Variants in MAPT observed in about 807,000 individuals in gnomAD.
MAPT encodes microtubule-associated protein tau.
MAPT carries 34 observed loss-of-function variants against 67.9 expected under a neutral mutation model. That is an observed-to-expected ratio of 0.50 (90% CI 0.38 to 0.67). The LOEUF (loss-of-function observed/expected upper bound fraction) is 0.67, where lower values mean the gene tolerates loss of function less well. Ranked by LOEUF, MAPT falls within the 30% of genes least tolerant of loss-of-function variation. The pLI is 0.00. For synonymous variants in MAPT, 456 were observed against 464.5 expected (o/e 0.98, Z 0.23); for missense variants, 881 against 1,115.2 (o/e 0.79, Z 2.99).
chr17:45,900,418 A>G (rs1234823677), intron 1 of MAPT, among the ~76,000 whole-genome samples: 1 of 152,196 alleles, frequency 6.6e-6, no homozygotes, highest in Admixed American at 6.5e-5. Context: ...CCAGTTAGGA[A>G]ACTTTCTGTA....
intron 1 of MAPT, among the ~76,000 whole-genome samples, chr17:45,930,138 GC>G (rs1243251700): frequency 6.6e-6 from 1 of 152,206 alleles, no homozygotes; most frequent in African/African-American, 2.4e-5. Context: ...GGTGGCTCAT[GC>G]CTGTAATCCC....
At chr17:46,016,536 C>T (rs1246606143) in intron 11 of MAPT, among the ~76,000 whole-genome samples, 1 of 152,188 alleles carries the variant, frequency 6.6e-6, no homozygotes, top group Non-Finnish European at 1.5e-5. Context: ...CTTTGGGAGG[C>T]CAAGGCAGGC....
rs920376165 is a variant in MAPT at position 46,010,575 on chromosome 17, C to A, written c.2091+173C>A. On this transcript the variant is annotated intron_variant, in intron 10 of 12. Transcript: ENST00000262410. The surrounding 1 kb of genome is among the most constrained non-coding windows in gnomAD (Gnocchi z 4.7). ...GGCTCCCCACATTCCCCCACACGGT[C>A]CACTGTTCCCAGAAGCCCCTTCCTC... Among the ~76,000 whole-genome samples the A allele has an allele frequency of 6.6e-6, 1 of 152,206 alleles. No individual in the cohort carries two copies. Among genetic ancestry groups the A allele is most frequent in the Non-Finnish European group, 1.5e-5 (1 of 68,012 alleles).
intron 1 of MAPT, among the ~76,000 whole-genome samples, chr17:45,941,705 G>GCCTTCCTT (rs1201409768): frequency 0.011 from 289 of 25,528 alleles, 6 homozygotes; most frequent in African/African-American, 0.027. Context: ...CTTCCTGCCT[G>GCCTTCCTT]CCTTCCTTCC....
chr17:45,908,036 T>G (rs2064451907), intron 1 of MAPT: 1 of 152,206 alleles, frequency 6.6e-6, no homozygotes, highest in South Asian at 2.1e-4. Context: ...ACGTCTTTAG[T>G]GCTAAGGACT....
chr17:45,955,509 A>AC (rs2069536221), intron 1 of MAPT, among the ~76,000 whole-genome samples: 1 of 152,066 alleles, frequency 6.6e-6, no homozygotes, highest in Admixed American at 6.6e-5. Flanking sequence ...CAGCCACCTC[A>AC]CCCACCTACA....
chr17:45,901,883 C>T (rs2063633009), intron 1 of MAPT, among the ~76,000 whole-genome samples: 1 of 148,174 alleles, frequency 6.7e-6, no homozygotes, highest in Non-Finnish European at 1.5e-5. Context: ...ATTGTGGAGT[C>T]ATCTGAATGC....
chr17:46,011,688 G>A (rs932884174), intron 10 of MAPT, among the ~76,000 whole-genome samples: 2 of 152,176 alleles, frequency 1.3e-5, no homozygotes, highest in Non-Finnish European at 2.9e-5. Context: ...TGATTTTTGA[G>A]AGCAATCACC....
intron 7 of MAPT, among the ~76,000 whole-genome samples, chr17:45,991,088 A>G (rs989104268): frequency 1.3e-5 from 2 of 152,238 alleles, no homozygotes; most frequent in African/African-American, 4.8e-5. Flanking sequence ...CCATAATTAG[A>G]GTCAGAAAAT....
Position 46,024,080 on chromosome 17 carries a change from C to A in MAPT, c.2411C>A (p.Ser804Tyr). Residue 804 changes from serine to tyrosine, a missense_variant, in exon 13 of 13, where the codon TCC becomes TAC. Coordinates refer to ENST00000262410, the MANE Select transcript of MAPT (RefSeq NM_001377265.1). ...TCTCCACGGCATCTCAGCAATGTCT[C>A]CTCCACCGGCAGCATCGACATGGTA... Reference protein sequence around the residue: ...DTSPRHLSNVSSTGSIDMVDS... With the variant: ...DTSPRHLSNVYSTGSIDMVDS... The A allele has an allele frequency of 6.2e-7, 1 of 1,614,182 alleles. No individual in the cohort carries two copies.
In MAPT at chr17:45,896,507, G is replaced by C. The variant is rs1398616229; in HGVS notation, c.-18+1821G>C. Reference sequence around the variant, plus strand: ...CTGAGCCCACTGGACTGGGCGCAGAGGGGGGATTGCCATGGAAACCACAGG... The same window carrying C: ...CTGAGCCCACTGGACTGGGCGCAGACGGGGGATTGCCATGGAAACCACAGG... On this transcript the variant is annotated intron_variant, in intron 1 of 12. Coordinates refer to ENST00000262410, the MANE Select transcript of MAPT (RefSeq NM_001377265.1). The surrounding 1 kb of genome is among the most constrained non-coding windows in gnomAD (Gnocchi z 5.6). The C allele has an allele frequency of 1.3e-5, 2 of 152,304 alleles. No homozygotes were observed. Among genetic ancestry groups the C allele is most frequent in the African/African-American group, 4.8e-5 (2 of 41,450 alleles). 9.4% of individuals were successfully genotyped at this position (152,304 alleles called of 1,614,324 possible).
rs992586854 is a variant in MAPT at position 46,027,027 on chromosome 17, C to T, written c.*2856C>T. On this transcript the variant is annotated 3_prime_UTR_variant, in exon 13 of 13. Coordinates refer to ENST00000262410, the MANE Select transcript of MAPT (RefSeq NM_001377265.1). ...CTCCACCAAGAGCCTCCCTGCCGTT[C>T]GCTGAGTCCCAGCAATTCTCCTAAG... is the stretch of plus-strand genomic sequence containing the variant. 2 of 149,596 alleles carry T rather than the reference C, an allele frequency of 1.3e-5. No homozygotes were observed. Among genetic ancestry groups the T allele is most frequent in the South Asian group, 2.1e-4 (1 of 4,768 alleles). The allele number at this position is 149,596 out of a possible 1,614,324, so 9.3% of individuals were successfully genotyped here. A position where few individuals can be genotyped will look rare whatever the true frequency, so the allele number is the denominator to read the frequency against.
In MAPT at chr17:45,946,656, T is replaced by G. The variant is rs576814983; in HGVS notation, c.-17-15665T>G. Among the ~76,000 whole-genome samples, 287 of 141,830 alleles carry G rather than the reference T, an allele frequency of 2.0e-3. 1 individual carries two copies. Among genetic ancestry groups the G allele is most frequent in the African/African-American group, 7.2e-3 (273 of 37,946 alleles). 93.0% of individuals were successfully genotyped at this position (141,830 alleles called of 152,430 possible). ...TATATATATGTCAAAAATGGGGTAG[T>G]TTTTAGATCTATAGTAGTTCTAAAA... On this transcript the variant is annotated intron_variant, in intron 1 of 12. Coordinates refer to ENST00000262410, the MANE Select transcript of MAPT (RefSeq NM_001377265.1).
At chr17:45,987,188 A>G in intron 6 of MAPT, 93 bp downstream of exon 6, 1 of 1,217,706 alleles carries the variant, frequency 8.2e-7, no homozygotes, top group Admixed American at 1.8e-5. Flanking sequence ...TAATGTGGGG[A>G]GTATTTGTCA....
rs776407198 is a variant in MAPT, at chr17:45,938,428, T to A, written c.-17-23893T>A. Among the ~76,000 whole-genome samples, 79 of 152,366 alleles carry A rather than the reference T, an allele frequency of 5.2e-4. 1 individual carries two copies. The highest frequency in any genetic ancestry group is 3.3e-4 in the Admixed American group (5 of 15,308). ...CTCTGACACCAGTTCTCTGCCTCCC[T>A]CTTCCACATGTCAGGACCCTCATGA... On this transcript the variant is annotated intron_variant, in intron 1 of 12. Coordinates refer to ENST00000262410, the MANE Select transcript of MAPT (RefSeq NM_001377265.1).
intron 9 of MAPT, among the ~76,000 whole-genome samples, chr17:46,000,483 C>A (rs1287043930): frequency 1.3e-5 from 2 of 152,060 alleles, no homozygotes; most frequent in Admixed American, 1.3e-4. Flanking sequence ...AGGAAGAGCC[C>A]GTAGGCCCCG....
chr17:46,026,908 G>C lies in MAPT; in HGVS notation c.*2737G>C, dbSNP rs886053048. 5.4e-5 allele frequency: 8 copies of C among 147,378 alleles called. No homozygotes were observed. The highest frequency in any genetic ancestry group is 9.3e-5 in the Non-Finnish European group (6 of 64,644). The allele number at this position is 147,378 out of a possible 1,614,324, so 9.1% of individuals were successfully genotyped here. ...GGTACAGTTAAAGGCAACCCTGAGG[G>C]ACTTGGCAGTAGAAATCCAGGGCCT... On this transcript the variant is annotated 3_prime_UTR_variant, in exon 13 of 13. Coordinates refer to ENST00000262410, the MANE Select transcript of MAPT (RefSeq NM_001377265.1).
intron 1 of MAPT, among the ~76,000 whole-genome samples, chr17:45,903,824 ATTATATATTATATATT>A (rs2063806783): frequency 7.6e-4 from 1 of 1,312 alleles, no homozygotes; most frequent in Non-Finnish European, 1.5e-3. Flanking sequence ...ATATAAATAT[ATTATATATTATATATT>A]TTATATATTA....
In MAPT at chr17:45,906,596, A is replaced by G. The variant is rs915054970; in HGVS notation, c.-18+11910A>G. On this transcript the variant is annotated intron_variant, in intron 1 of 12. Coordinates refer to ENST00000262410, the MANE Select transcript of MAPT (RefSeq NM_001377265.1). This position sits in a 1 kb window ranked among gnomAD's most constrained non-coding sequence, Gnocchi z 4.3. ...AATGGAGGGTTTCTCCGGAGCGTGG[A>G]TGGTGGGAGGTATTTCAGGGTGTAT... 6.6e-6 allele frequency among the ~76,000 whole-genome samples: 1 copy of G among 152,058 alleles called. No homozygotes were observed. The highest frequency in any genetic ancestry group is 2.4e-5 in the African/African-American group (1 of 41,390).
Sources: allele counts gnomAD v4.1 joint callset (sites outside exome capture counted in the v4.1 genomes callset), GRCh38; gene constraint gnomAD v4.1.1; non-coding constraint Gnocchi (gnomAD v3.1); transcripts MANE v1.5; gene names NCBI Gene and HGNC (gene_info 2026-07-23, HGNC 2026-07-21).